MEI1: variants seen among roughly 807,000 people sequenced by gnomAD.
MEI1 encodes the protein meiosis inhibitor protein 1.
MEI1 carries 103 observed loss-of-function variants against 146.2 expected under a neutral mutation model. The ratio of observed to expected loss-of-function variants is 0.70; its 90% CI spans 0.60 to 0.83. The LOEUF (loss-of-function observed/expected upper bound fraction) is 0.83. Ranked by LOEUF, MEI1 falls within the 40% of genes least tolerant of loss-of-function variation. The pLI, the probability that MEI1 is intolerant of heterozygous loss-of-function variation, is 0.00. For synonymous variants in MEI1, 652 were observed against 628.2 expected (o/e 1.04, Z -0.57); for missense variants, 1,529 against 1,533.0 (o/e 1.00, Z 0.04).
chr22:41,794,428 C>T lies in MEI1; in HGVS notation c.3485C>T (p.Ala1162Val), dbSNP rs772342669. 3 of 1,613,870 alleles carry T rather than the reference C, an allele frequency of 1.9e-6. No individual in the cohort carries two copies. The highest frequency in any genetic ancestry group is 1.7e-5 in the Admixed American group (1 of 60,004). The stretch of plus-strand genomic sequence containing the variant: ...TTTTTGCTGTTTACCCTCTTGGATG[C>T]TGGAGAGAATTCCTTCCTCAGACCT... ...NRFLLFTLLD[A>V]GENSFLRPEI... Residue 1162 changes from alanine to valine, a missense_variant, in exon 28 of 31, where the codon GCT becomes GTT. This residue lies in a region of MEI1 where 313 missense variants were observed against 337.3 expected (regional missense o/e 0.93). Coordinates refer to ENST00000401548, the MANE Select transcript of MEI1 (RefSeq NM_152513.4).
intron 15 of MEI1, among the ~76,000 whole-genome samples, chr22:41,748,420 A>G (rs2073490656): frequency 1.3e-5 from 2 of 152,188 alleles, no homozygotes; most frequent in Admixed American, 6.5e-5. Context: ...GTGGTAGCTC[A>G]TGCCTGTAAT....
At chr22:41,797,931 C>T (rs562962497) in intron 30 of MEI1, among the ~76,000 whole-genome samples, 7 of 152,164 alleles carry the variant, frequency 4.6e-5, no homozygotes, top group East Asian at 1.9e-4. Flanking sequence ...TTCCAAATAA[C>T]GAAACTGAGG....
chr22:41,715,521 G>A (rs563604146), intron 4 of MEI1, among the ~76,000 whole-genome samples: 7 of 151,078 alleles, frequency 4.6e-5, no homozygotes, highest in African/African-American at 1.7e-4. Context: ...TCAGCCTCCC[G>A]AGTAGCTGGG....
At chr22:41,737,874 A>G (rs969640186) in intron 11 of MEI1, among the ~76,000 whole-genome samples, 7 of 152,026 alleles carry the variant, frequency 4.6e-5, no homozygotes, top group African/African-American at 1.5e-4. Context: ...TAGCACCACA[A>G]TGGGAAATTA....
intron 15 of MEI1, among the ~76,000 whole-genome samples, chr22:41,748,566 C>T (rs763978219): frequency 1.4e-4 from 21 of 151,994 alleles, no homozygotes; most frequent in African/African-American, 3.9e-4. Context: ...GTAACATTAG[C>T]GACTAATTAT....
Position 41,759,896 on chromosome 22 carries a change from G to A in MEI1, c.2120+1363G>A, listed in dbSNP as rs539754765. The stretch of plus-strand genomic sequence containing the variant: ...GCCGTAAGAAATAATTTATTGGGCC[G>A]GGTACGGTGGCTCACATCTGTAATC... On this transcript the variant is annotated intron_variant, in intron 18 of 30. Coordinates refer to ENST00000401548, the MANE Select transcript of MEI1 (RefSeq NM_152513.4). 5.9e-5 allele frequency among the ~76,000 whole-genome samples: 9 copies of A among 152,204 alleles called. No individual in the cohort carries two copies. In the East Asian group the frequency reaches 1.2e-3, roughly 20 times the overall value.
intron 3 of MEI1, among the ~76,000 whole-genome samples, chr22:41,711,073 T>C (rs1164116489): frequency 6.6e-6 from 1 of 152,232 alleles, no homozygotes; most frequent in East Asian, 1.9e-4. Context: ...TTAATAGATG[T>C]TCTTTAGGGA....
intron 19 of MEI1, among the ~76,000 whole-genome samples, chr22:41,765,132 G>T (rs181495367): frequency 2.0e-5 from 3 of 152,188 alleles, no homozygotes; most frequent in Admixed American, 1.3e-4. Context: ...AGCCTCCCGA[G>T]TAGCTGGGAT....
At chr22:41,701,352 C>T (rs941489182) in intron 1 of MEI1, among the ~76,000 whole-genome samples, 4 of 150,786 alleles carry the variant, frequency 2.7e-5, no homozygotes, top group South Asian at 2.2e-4. Flanking sequence ...AAGACTGGGC[C>T]GGGTCCGGTG....
intron 15 of MEI1, among the ~76,000 whole-genome samples, chr22:41,750,186 G>A (rs754245125): frequency 2.0e-5 from 3 of 152,212 alleles, no homozygotes; most frequent in Non-Finnish European, 2.9e-5. Flanking sequence ...CTTCAAAGTT[G>A]AGGGTGTAAA....
chr22:41,787,400 T>G (rs1401717790), intron 26 of MEI1, among the ~76,000 whole-genome samples: 1 of 152,222 alleles, frequency 6.6e-6, no homozygotes, highest in African/African-American at 2.4e-5. Context: ...ACTTGCTTAA[T>G]CATATCTGTC....
intron 11 of MEI1, among the ~76,000 whole-genome samples, chr22:41,739,205 CATT>C (rs1390161960): frequency 2.0e-5 from 3 of 151,802 alleles, no homozygotes; most frequent in African/African-American, 7.3e-5. Context: ...AAATTTAAGA[CATT>C]ATTCATTGAC....
intron 2 of MEI1, among the ~76,000 whole-genome samples, chr22:41,705,015 A>G (rs1290064256): frequency 6.6e-6 from 1 of 152,078 alleles, no homozygotes; most frequent in African/African-American, 2.4e-5. Context: ...CGCCCGGCCA[A>G]TTGTTATCTT....
chr22:41,717,492 C>A (rs1002086689), intron 5 of MEI1, among the ~76,000 whole-genome samples: 4 of 152,162 alleles, frequency 2.6e-5, no homozygotes, highest in Admixed American at 2.6e-4. Context: ...GAGACCAGAT[C>A]TCACTATGTA....
chr22:41,721,237 C>CTTTTTTTT lies in MEI1; in HGVS notation c.734-2688_734-2681dup, dbSNP rs984702207. 1.0e-3 allele frequency among the ~76,000 whole-genome samples: 72 copies of CTTTTTTTT among 70,486 alleles called. 3 individuals are homozygous for CTTTTTTTT. The highest frequency in any genetic ancestry group is 4.5e-3 in the African/African-American group (65 of 14,596). 46.2% of individuals were successfully genotyped at this position (70,486 alleles called of 152,430 possible). On this transcript the variant is annotated intron_variant, in intron 6 of 30. Coordinates refer to ENST00000401548, the MANE Select transcript of MEI1 (RefSeq NM_152513.4). ...ACAGGTGTTAGCCACCACGCCCGTT[C>CTTTTTTTT]TTTTTTTTTTTTTTTTTTTTTTTTT...
At chr22:41,711,514 A>G (rs2069567546) in intron 3 of MEI1, among the ~76,000 whole-genome samples, 1 of 152,204 alleles carries the variant, frequency 6.6e-6, no homozygotes, top group African/African-American at 2.4e-5. Context: ...TGGTATCAGC[A>G]TGGCTTGCAG....
In MEI1 at chr22:41,770,907, A is replaced by G. The variant is rs1345755415; in HGVS notation, c.2490A>G (p.Leu830=). The change falls in exon 20 of 31, where the codon TTA becomes TTG. Residue 830 remains leucine (L), a synonymous_variant. Coordinates refer to ENST00000401548, the MANE Select transcript of MEI1 (RefSeq NM_152513.4). ...SAGQPALPAS[L]VVLFQLLRSI... Reference sequence around the variant, plus strand: ...GGCAGCCCGCCCTTCCTGCCAGCTTAGTAGTCCTGTTCCAGTTGCTCAGAA... The same window carrying G: ...GGCAGCCCGCCCTTCCTGCCAGCTTGGTAGTCCTGTTCCAGTTGCTCAGAA... The G allele has an allele frequency of 1.9e-6, 3 of 1,614,042 alleles. No homozygotes were observed. The highest frequency in any genetic ancestry group is 1.1e-5 in the South Asian group (1 of 91,084).
At chr22:41,707,028 CAAAAAAAAAAAAAAA>C (rs59421678) in intron 3 of MEI1, among the ~76,000 whole-genome samples, 1 of 130,892 alleles carries the variant, frequency 7.6e-6, no homozygotes, top group Non-Finnish European at 1.6e-5. Flanking sequence ...CCATCTCTAC[CAAAAAAAAAAAAAAA>C]AAAAAAAAAA....
At chr22:41,763,016 G>A (rs1332127304) in intron 18 of MEI1, among the ~76,000 whole-genome samples, 158 bp from the exon 19 acceptor site, 1 of 152,208 alleles carries the variant, frequency 6.6e-6, no homozygotes, top group Non-Finnish European at 1.5e-5. Context: ...GCAGTGCTTT[G>A]TAAGTATGTA....
Sources: gnomAD v4.1 joint callset for allele counts (sites outside exome capture counted in the v4.1 genomes callset) on GRCh38, gnomAD v4.1.1 for gene constraint, gnomAD v4.1.1 regional missense constraint, MANE v1.5 for transcripts, NCBI Gene and HGNC (gene_info 2026-07-23, HGNC 2026-07-21) for gene names.